The following LSAMP variants were observed in gnomAD, a reference collection of about 807,000 sequenced individuals.
LSAMP encodes the protein limbic system-associated membrane protein.
LSAMP carries 7 observed loss-of-function variants against 38.6 expected under a neutral mutation model. That is an observed-to-expected ratio of 0.18 (90% CI 0.10 to 0.34). The LOEUF is 0.34. LSAMP is among the 10% of genes least tolerant of loss of function. The pLI, the probability that LSAMP is intolerant of heterozygous loss-of-function variation, is 1.00. For missense variants in LSAMP, 313 were observed against 420.0 expected, an observed-to-expected ratio of 0.75 and a Z score of 2.23; for synonymous variants, 154 against 166.8, an observed-to-expected ratio of 0.92 and a Z score of 0.59.
intron 3 of LSAMP, among the ~76,000 whole-genome samples, chr3:115,927,655 C>A (rs912275667): frequency 2.0e-5 from 3 of 152,198 alleles, no homozygotes; most frequent in African/African-American, 7.2e-5. Context: ...TCTGCTTCGG[C>A]CACATTGGAC....
chr3:116,282,230 C>T (rs1246073584), intron 1 of LSAMP, among the ~76,000 whole-genome samples: 1 of 151,984 alleles, frequency 6.6e-6, no homozygotes, highest in Non-Finnish European at 1.5e-5. Flanking sequence ...CAGTGACTGT[C>T]AGAGTTGTTT....
chr3:116,109,796 A>G (rs13082079), intron 1 of LSAMP, among the ~76,000 whole-genome samples: 2 of 151,670 alleles, frequency 1.3e-5, no homozygotes, highest in South Asian at 2.1e-4. Flanking sequence ...AAGGAGGCAA[A>G]CCTAGAGAAA....
intron 1 of LSAMP, among the ~76,000 whole-genome samples, chr3:116,394,403 C>T (rs1457137993): frequency 6.6e-6 from 1 of 152,220 alleles, no homozygotes; most frequent in African/African-American, 2.4e-5. Context: ...ATTGCTCCCT[C>T]TGTTATCCCT....
intron 3 of LSAMP, among the ~76,000 whole-genome samples, chr3:115,853,078 T>C (rs141005691): frequency 2.6e-4 from 39 of 152,288 alleles, no homozygotes; most frequent in African/African-American, 8.9e-4. Flanking sequence ...AATCATAAAG[T>C]GCTCTGAGGG....
chr3:116,192,302 G>T (rs1303986348), intron 1 of LSAMP, among the ~76,000 whole-genome samples: 1 of 152,198 alleles, frequency 6.6e-6, no homozygotes, highest in Non-Finnish European at 1.5e-5. Flanking sequence ...ATAAGAATTG[G>T]AAGGAAATGG....
At chr3:116,382,294 C>G (rs181117475) in intron 1 of LSAMP, among the ~76,000 whole-genome samples, 28 of 152,048 alleles carry the variant, frequency 1.8e-4, no homozygotes, top group African/African-American at 6.8e-4. Context: ...GAAAATGTGG[C>G]ACATATACAC....
chr3:116,081,245 C>T (rs1707864496), intron 2 of LSAMP, among the ~76,000 whole-genome samples: 1 of 152,090 alleles, frequency 6.6e-6, no homozygotes, highest in African/African-American at 2.4e-5. Flanking sequence ...GGGTGGATCA[C>T]AAGGTCAAGA....
chr3:116,073,543 G>A (rs1269007355), intron 2 of LSAMP, among the ~76,000 whole-genome samples: 5 of 152,036 alleles, frequency 3.3e-5, no homozygotes, highest in Admixed American at 6.5e-5. Flanking sequence ...TTCTATCCAC[G>A]AACATGGAAT....
intron 1 of LSAMP, among the ~76,000 whole-genome samples, chr3:116,315,835 G>C (rs1406551224): frequency 6.6e-6 from 1 of 152,148 alleles, no homozygotes. Flanking sequence ...GTAAGTGATG[G>C]AACACTAACT....
chr3:116,133,479 T>G (rs1023934067), intron 1 of LSAMP, among the ~76,000 whole-genome samples: 1 of 151,812 alleles, frequency 6.6e-6, no homozygotes, highest in Non-Finnish European at 1.5e-5. Context: ...TTAATATATA[T>G]ACATATATTT....
At chr3:116,002,549 G>A (rs1013090197) in intron 3 of LSAMP, among the ~76,000 whole-genome samples, 1 of 151,664 alleles carries the variant, frequency 6.6e-6, no homozygotes, top group Non-Finnish European at 1.5e-5. Context: ...AGCATCCCTT[G>A]GAAAAAAAAA....
At chr3:116,370,728 C>T (rs1004400883) in intron 1 of LSAMP, among the ~76,000 whole-genome samples, 1 of 152,122 alleles carries the variant, frequency 6.6e-6, no homozygotes, top group Non-Finnish European at 1.5e-5. Flanking sequence ...TGCATGTCCC[C>T]TCACGGGTGC....
chr3:115,845,754 C>T (rs1935138917), intron 4 of LSAMP, among the ~76,000 whole-genome samples: 1 of 152,234 alleles, frequency 6.6e-6, no homozygotes, highest in Non-Finnish European at 1.5e-5. Flanking sequence ...CCTGACCACT[C>T]TTTTCCTTAC....
intron 1 of LSAMP, among the ~76,000 whole-genome samples, chr3:116,294,716 T>G (rs1168268548): frequency 2.0e-5 from 3 of 152,210 alleles, no homozygotes; most frequent in Non-Finnish European, 4.4e-5. Context: ...ATTTATATAT[T>G]CTGTGGATAA....
intron 4 of LSAMP, among the ~76,000 whole-genome samples, chr3:115,845,481 G>T (rs887440503): frequency 6.6e-6 from 1 of 152,172 alleles, no homozygotes; most frequent in African/African-American, 2.4e-5. Flanking sequence ...TTTTCTGATT[G>T]AAAAATTTGG....
intron 2 of LSAMP, among the ~76,000 whole-genome samples, chr3:116,022,032 A>G (rs1576313550): frequency 6.6e-6 from 1 of 152,204 alleles, no homozygotes; most frequent in Non-Finnish European, 1.5e-5. Context: ...GACTGGAGAT[A>G]CAGAAAGTGT....
intron 3 of LSAMP, among the ~76,000 whole-genome samples, chr3:115,954,981 G>A (rs909813214): frequency 6.7e-6 from 1 of 150,332 alleles, no homozygotes; most frequent in African/African-American, 2.5e-5. Context: ...TTGAGATGGA[G>A]TCTTGCCCTG....
At chr3:116,229,440 A>AACAT (rs1266525311) in intron 1 of LSAMP, among the ~76,000 whole-genome samples, 2 of 152,136 alleles carry the variant, frequency 1.3e-5, no homozygotes, top group African/African-American at 4.8e-5. Flanking sequence ...GGCAATTGCC[A>AACAT]ACATACAAAG....
At chr3:116,436,303 A>G (rs2049348294) in intron 1 of LSAMP, among the ~76,000 whole-genome samples, 1 of 152,162 alleles carries the variant, frequency 6.6e-6, no homozygotes, top group Non-Finnish European at 1.5e-5. Context: ...GGATTTTATG[A>G]CCCAAAACCC....
Sources: gnomAD v4.1 joint callset for allele counts (sites outside exome capture counted in the v4.1 genomes callset) on GRCh38, gnomAD v4.1.1 for gene constraint, MANE v1.5 for transcripts, NCBI Gene and HGNC (gene_info 2026-07-23, HGNC 2026-07-21) for gene names.